Variants in PIERCE2 observed in about 807,000 individuals in gnomAD.
PIERCE2 encodes piercer of microtubule wall 2 protein.
At chr15:55,413,224 C>T in the PIERCE2 span, among the ~76,000 whole-genome samples, 9 of 149,786 alleles carry the variant, frequency 6.0e-5, no homozygotes, top group Admixed American at 4.0e-4. Context: ...GCCAAGATCG[C>T]GCCACTGCAC....
At chr15:55,413,774 A>C in the PIERCE2 span, among the ~76,000 whole-genome samples, 26,222 of 150,154 alleles carry the variant, frequency 0.17, 4,112 homozygotes, top group African/African-American at 0.42. Flanking sequence ...AAAAAAAAAA[A>C]AAAAAGACTG....
At chr15:55,413,018 C>A in the PIERCE2 span, among the ~76,000 whole-genome samples, 1 of 152,058 alleles carries the variant, frequency 6.6e-6, no homozygotes, top group East Asian at 1.9e-4. Flanking sequence ...CCTATAATCC[C>A]AGCACTTTGG....
the PIERCE2 span, among the ~76,000 whole-genome samples, chr15:55,416,098 A>G: frequency 4.5e-5 from 6 of 132,816 alleles, no homozygotes; most frequent in Non-Finnish European, 1.0e-4. Flanking sequence ...AAACATTGTT[A>G]TATATATAGA....
At chr15:55,418,225 T>G in the PIERCE2 span, 1 of 1,569,864 alleles carries the variant, frequency 6.4e-7, no homozygotes, top group Non-Finnish European at 8.6e-7. Flanking sequence ...TCTTTTAGGA[T>G]AAGAAAAGTA....
chr15:55,414,903 T>C, the PIERCE2 span, among the ~76,000 whole-genome samples: 39,808 of 151,896 alleles, frequency 0.26, 6,638 homozygotes, highest in Non-Finnish European at 0.38. Context: ...AAAACATTGA[T>C]TGTTCATCTA....
the PIERCE2 span, chr15:55,410,832 T>G: frequency 1.3e-5 from 2 of 152,210 alleles, no homozygotes; most frequent in Non-Finnish European, 2.9e-5. Flanking sequence ...CTTTCCCCTG[T>G]GCTGAGGAAA....
the PIERCE2 span, among the ~76,000 whole-genome samples, chr15:55,411,811 C>T: frequency 1.3e-5 from 2 of 152,030 alleles, no homozygotes; most frequent in Non-Finnish European, 2.9e-5. Context: ...ATCACAGCTA[C>T]TCGGGAGTCT....
chr15:55,418,651 A>G, the PIERCE2 span: 155 of 976,174 alleles, frequency 1.6e-4, no homozygotes, highest in Non-Finnish European at 2.1e-4. Flanking sequence ...TACCTAATAA[A>G]GAAGATAAAA....
chr15:55,415,802 T>C, the PIERCE2 span, among the ~76,000 whole-genome samples: 1 of 152,172 alleles, frequency 6.6e-6, no homozygotes, highest in Non-Finnish European at 1.5e-5. Context: ...TGTCTGCCTG[T>C]GGATTTCATT....
the PIERCE2 span, among the ~76,000 whole-genome samples, chr15:55,412,072 C>CA: frequency 9.1e-6 from 1 of 109,678 alleles, no homozygotes; most frequent in African/African-American, 3.6e-5. Context: ...GACTGGGCAA[C>CA]AGAGTGAGAC....
At chr15:55,411,825 G>A in the PIERCE2 span, among the ~76,000 whole-genome samples, 1 of 152,104 alleles carries the variant, frequency 6.6e-6, no homozygotes, top group East Asian at 1.9e-4. Flanking sequence ...GGAGTCTGAG[G>A]CAGGAGAATG....
the PIERCE2 span, chr15:55,408,778 C>A: frequency 2.0e-6 from 3 of 1,524,166 alleles, no homozygotes; most frequent in South Asian, 1.2e-5. Context: ...AATGACAGAC[C>A]GCAACCGGGT....
chr15:55,416,345 C>A, the PIERCE2 span, among the ~76,000 whole-genome samples: 169 of 152,180 alleles, frequency 1.1e-3, 1 homozygote, highest in African/African-American at 3.8e-3. Context: ...CGTGATCCGC[C>A]CACCTTGGCC....
At chr15:55,418,578 T>C in the PIERCE2 span, 3 of 1,401,506 alleles carry the variant, frequency 2.1e-6, no homozygotes, top group Non-Finnish European at 9.5e-7. Context: ...TGAAAATATA[T>C]TCCTTTGTAT....
the PIERCE2 span, chr15:55,417,945 C>G: frequency 1.7e-6 from 1 of 573,838 alleles, no homozygotes; most frequent in Admixed American, 3.7e-5. Context: ...GGGGGAGGTT[C>G]TGAGCCAGGA....
At chr15:55,418,564 T>G in the PIERCE2 span, 2 of 1,440,098 alleles carry the variant, frequency 1.4e-6, no homozygotes, top group Non-Finnish European at 1.9e-6. Context: ...TTCAACACAC[T>G]CTATGAAAAT....
the PIERCE2 span, chr15:55,418,449 C>T: frequency 6.6e-7 from 1 of 1,521,218 alleles, no homozygotes; most frequent in Non-Finnish European, 8.8e-7. Context: ...AATTATACTC[C>T]AAAGGAGCAA....
chr15:55,411,706 G>C, the PIERCE2 span, among the ~76,000 whole-genome samples: 1 of 152,084 alleles, frequency 6.6e-6, no homozygotes, highest in Non-Finnish European at 1.5e-5. Flanking sequence ...CGGATCACCT[G>C]AGGTTGGGAG....
chr15:55,416,434 C>A, the PIERCE2 span, among the ~76,000 whole-genome samples: 1 of 152,040 alleles, frequency 6.6e-6, no homozygotes, highest in Non-Finnish European at 1.5e-5. Flanking sequence ...AAGCCATCAT[C>A]AATGCAAAGT....
Sources: gnomAD v4.1 joint callset for allele counts (sites outside exome capture counted in the v4.1 genomes callset) on GRCh38, gnomAD v4.1.1 for gene constraint, MANE v1.5 for transcripts, NCBI Gene and HGNC (gene_info 2026-07-23, HGNC 2026-07-21) for gene names.